MAP2: variants seen among roughly 807,000 people sequenced by gnomAD.
MAP2 encodes the protein microtubule associated protein 2, also known as microtubule-associated protein 2.
A neutral mutation model predicts 137.6 loss-of-function variants in MAP2; 14 were observed. That is an observed-to-expected ratio of 0.10 (90% confidence interval 0.07 to 0.16). MAP2 has a LOEUF of 0.16. MAP2 is among the 10% of genes least tolerant of loss of function. MAP2 has a pLI of 1.00. For synonymous variants in MAP2, 786 were observed against 782.3 expected (o/e 1.00, Z -0.08); for missense variants, 2,088 against 2,191.5 (o/e 0.95, Z 0.94).
intron 3 of MAP2, among the ~76,000 whole-genome samples, chr2:209,608,199 A>C (rs545474975): frequency 4.6e-4 from 70 of 152,346 alleles, no homozygotes; most frequent in Middle Eastern, 3.4e-3. Context: ...TCATACAAAG[A>C]TTAAATACTG....
intron 3 of MAP2, among the ~76,000 whole-genome samples, chr2:209,586,528 T>C (rs554786221): frequency 6.6e-6 from 1 of 152,314 alleles, no homozygotes; most frequent in African/African-American, 2.4e-5. Flanking sequence ...CCTGCCCTTA[T>C]GGAACTTTCC....
At chr2:209,651,650 C>G (rs1026531688) in intron 4 of MAP2, among the ~76,000 whole-genome samples, 2 of 152,132 alleles carry the variant, frequency 1.3e-5, no homozygotes, top group African/African-American at 2.4e-5. Context: ...ATAAGCCCTT[C>G]AATCAATGTT....
chr2:209,607,579 C>T (rs774465703), intron 3 of MAP2, among the ~76,000 whole-genome samples: 1 of 152,148 alleles, frequency 6.6e-6, no homozygotes, highest in Non-Finnish European at 1.5e-5. Flanking sequence ...GGATTACAGG[C>T]ACCTGCCAAC....
chr2:209,654,816 A>G (rs1333545923), intron 5 of MAP2, among the ~76,000 whole-genome samples: 2 of 152,220 alleles, frequency 1.3e-5, no homozygotes, highest in Non-Finnish European at 2.9e-5. Context: ...GACCTTCAAT[A>G]TTCCATAAAT....
Position 209,693,986 on chromosome 2 carries a change from A to C in MAP2, c.1816A>C (p.Ile606Leu). ...SDTRESVHES[I>L]DTMSPMHKNG... is the part of the protein sequence containing the mutation. The stretch of plus-strand genomic sequence containing the variant: ...CACTAGAGAAAGTGTCCATGAGTCT[A>C]TTGATACCATGTCTCCCATGCATAA... Residue 606 changes from isoleucine (I) to leucine (L), a missense_variant, in exon 8 of 16, where the codon ATT (isoleucine) becomes CTT (leucine). Transcript: ENST00000682079. 1.2e-6 allele frequency: 2 copies of C among 1,614,080 alleles called. No homozygotes were observed. The highest frequency in any genetic ancestry group is 1.7e-6 in the Non-Finnish European group (2 of 1,179,980).
At chr2:209,554,648 G>A (rs1250385795) in intron 2 of MAP2, among the ~76,000 whole-genome samples, 1 of 152,024 alleles carries the variant, frequency 6.6e-6, no homozygotes, top group East Asian at 1.9e-4. Context: ...TACTCAGGTG[G>A]CTGAGGTGGG....
At chr2:209,667,459 T>A (rs1226098474) in intron 5 of MAP2, among the ~76,000 whole-genome samples, 2 of 152,044 alleles carry the variant, frequency 1.3e-5, no homozygotes, top group African/African-American at 4.8e-5. Context: ...GAAACCAAGC[T>A]ATTTTTAGGC....
chr2:209,711,420 G>A (rs1256172406), intron 13 of MAP2, among the ~76,000 whole-genome samples: 1 of 152,140 alleles, frequency 6.6e-6, no homozygotes, highest in East Asian at 1.9e-4. Context: ...CTCTGTAAGG[G>A]AAAGCCCAAA....
chr2:209,518,700 C>T (rs2062863411), intron 2 of MAP2, among the ~76,000 whole-genome samples: 1 of 151,976 alleles, frequency 6.6e-6, no homozygotes, highest in South Asian at 2.1e-4. Context: ...TCTCTTCATG[C>T]ACACAGAATA....
chr2:209,464,233 T>G (rs571226759), intron 1 of MAP2, among the ~76,000 whole-genome samples: 1 of 152,260 alleles, frequency 6.6e-6, no homozygotes, highest in East Asian at 1.9e-4. Flanking sequence ...GCTTGTCCCT[T>G]GTTGACATAG....
rs374131363 is a variant in MAP2, at chr2:209,693,527, A to G, written c.1357A>G (p.Lys453Glu). ...KLEEKTTISD[K>E]EAVPKESKPP... The stretch of plus-strand genomic sequence containing the variant: ...TGAAGAAAAAACCACCATTTCTGAC[A>G]AAGAAGCTGTGCCAAAAGAGAGTAA... The change falls in exon 8 of 16, where the codon AAA (lysine) becomes GAA (glutamate). Residue 453 changes from lysine (K) to glutamate (E), a missense_variant. Lys to Glu is a moderately conservative substitution (Grantham distance 56, BLOSUM62 1). Around this residue, in one of 6 missense-constraint regions of MAP2, gnomAD observed 859 missense variants for 794.5 expected, o/e 1.08. Transcript: ENST00000682079. 4 of 1,610,712 alleles carry G rather than the reference A, an allele frequency of 2.5e-6. No individual in the cohort carries two copies. Among genetic ancestry groups the G allele is most frequent in the Admixed American group, 3.4e-5 (2 of 59,256 alleles).
At chr2:209,573,715 C>T (rs1049875975) in intron 2 of MAP2, among the ~76,000 whole-genome samples, 5 of 152,068 alleles carry the variant, frequency 3.3e-5, no homozygotes, top group African/African-American at 9.7e-5. Context: ...CACTCATAAC[C>T]ATTACTTAAT....
chr2:209,438,787 C>T (rs958029433), intron 1 of MAP2, among the ~76,000 whole-genome samples: 5 of 151,454 alleles, frequency 3.3e-5, no homozygotes, highest in African/African-American at 1.2e-4. Context: ...CTTACGATGA[C>T]ACGGCTCTCT....
At chr2:209,501,764 G>A (rs1335507372) in intron 1 of MAP2, among the ~76,000 whole-genome samples, 1 of 151,912 alleles carries the variant, frequency 6.6e-6, no homozygotes, top group Non-Finnish European at 1.5e-5. Flanking sequence ...GCACCTATTT[G>A]CTCAATAACT....
chr2:209,659,234 G>A (rs1174767333), intron 5 of MAP2, among the ~76,000 whole-genome samples: 2 of 152,090 alleles, frequency 1.3e-5, no homozygotes, highest in Admixed American at 6.5e-5. Context: ...AAGCTTTCAA[G>A]ACTCTTTTAG....
At chr2:209,450,774 A>T (rs566261398) in intron 1 of MAP2, among the ~76,000 whole-genome samples, 1 of 152,238 alleles carries the variant, frequency 6.6e-6, no homozygotes, top group East Asian at 1.9e-4. Context: ...GACTTTTTTG[A>T]TTCATTACAT....
intron 1 of MAP2, among the ~76,000 whole-genome samples, chr2:209,447,544 G>C (rs554058864): frequency 6.6e-6 from 1 of 152,120 alleles, no homozygotes; most frequent in East Asian, 1.9e-4. Context: ...AATTTGAGTA[G>C]CCAGCAAAAG....
At chr2:209,602,161 A>G (rs2083205975) in intron 3 of MAP2, among the ~76,000 whole-genome samples, 1 of 152,230 alleles carries the variant, frequency 6.6e-6, no homozygotes, top group South Asian at 2.1e-4. Context: ...TAGTTCGAAC[A>G]AGACTCAACT....
chr2:209,660,476 C>T (rs2042946010), intron 5 of MAP2, among the ~76,000 whole-genome samples: 1 of 141,390 alleles, frequency 7.1e-6, no homozygotes, highest in Non-Finnish European at 1.5e-5. Flanking sequence ...ACACTGCAAG[C>T]TCCGCCTCCC....
Sources: gnomAD v4.1 joint callset for allele counts (sites outside exome capture counted in the v4.1 genomes callset) on GRCh38, gnomAD v4.1.1 for gene constraint, gnomAD v4.1.1 regional missense constraint, MANE v1.5 for transcripts, NCBI Gene and HGNC (gene_info 2026-07-23, HGNC 2026-07-21) for gene names.